The following CADPS variants were observed in gnomAD, a reference collection of about 807,000 sequenced individuals.
CADPS encodes calcium-dependent secretion activator 1.
A neutral mutation model predicts 167.3 loss-of-function variants in CADPS; 57 were observed. The observed-to-expected ratio is 0.34, with a 90% confidence interval of 0.28 to 0.42. The LOEUF (loss-of-function observed/expected upper bound fraction) is 0.42. Among genes scored for constraint, CADPS ranks in the 20% least tolerant of loss-of-function variants. CADPS has a pLI of 1.00. For missense variants in CADPS, 1,414 were observed against 1,738.1 expected (o/e 0.81, Z 3.32); for synonymous variants, 676 against 635.3 (o/e 1.06, Z -0.96).
intron 2 of CADPS, among the ~76,000 whole-genome samples, chr3:62,764,844 A>G (rs544606376): frequency 3.3e-5 from 5 of 152,372 alleles, no homozygotes; most frequent in East Asian, 1.9e-4. Flanking sequence ...AAGGAAATCA[A>G]TGAAACAATC....
In CADPS at chr3:62,469,711, C is replaced by T. The variant is rs768408031; in HGVS notation, c.3478-3298G>A. The T allele has an allele frequency of 2.0e-4, 36 of 176,128 alleles. No individual in the cohort carries two copies. The Middle Eastern group carries it at 7.7e-3, about 37-fold the overall frequency. 10.9% of individuals were successfully genotyped at this position (176,128 alleles called of 1,614,324 possible). On this transcript the variant is annotated intron_variant, in intron 24 of 29. Transcript: ENST00000383710. Reference sequence around the variant, plus strand: ...TTTTAGTAGAAACAGGGTTTCACCACGTTGGCCAAGGTGGTCCCGATCTCT... The same window carrying T: ...TTTTAGTAGAAACAGGGTTTCACCATGTTGGCCAAGGTGGTCCCGATCTCT...
intron 17 of CADPS, among the ~76,000 whole-genome samples, chr3:62,501,064 T>C (rs1257129078): frequency 6.6e-6 from 1 of 152,156 alleles, no homozygotes; most frequent in African/African-American, 2.4e-5. Context: ...AAAGCTCCAT[T>C]ATCTCTGCCA....
chr3:62,709,693 C>G (rs1403288257), intron 3 of CADPS, among the ~76,000 whole-genome samples: 1 of 152,160 alleles, frequency 6.6e-6, no homozygotes, highest in African/African-American at 2.4e-5. Flanking sequence ...GCCATAATTT[C>G]AACACGCTCC....
intron 12 of CADPS, chr3:62,536,196 C>G: frequency 2.7e-6 from 1 of 377,226 alleles, no homozygotes; most frequent in East Asian, 4.1e-5. Flanking sequence ...TCTCATGTAG[C>G]AGCTGAAAAG....
In CADPS at chr3:62,753,858, C is replaced by A; in HGVS notation, c.556-85G>T. The A allele has an allele frequency of 1.5e-6, 2 of 1,300,928 alleles. No homozygotes were observed. The highest frequency in any genetic ancestry group is 2.9e-5 in the South Asian group (2 of 68,780). 80.6% of individuals were successfully genotyped at this position (1,300,928 alleles called of 1,614,324 possible). On this transcript the variant is annotated intron_variant, in intron 2 of 29. Transcript: ENST00000383710. This position sits in a 1 kb window ranked among gnomAD's most constrained non-coding sequence, Gnocchi z 4.6. ...CCTGGGGCTGGACACTGGGCCAGTCCACCTCACGTGCATCCCAGGAGGAAC... is the reference window on the plus strand; with the variant it reads ...CCTGGGGCTGGACACTGGGCCAGTCAACCTCACGTGCATCCCAGGAGGAAC...
At chr3:62,737,349 G>T (rs2079185712) in intron 3 of CADPS, among the ~76,000 whole-genome samples, 1 of 151,792 alleles carries the variant, frequency 6.6e-6, no homozygotes, top group Admixed American at 6.6e-5. Flanking sequence ...CATGCCTGTA[G>T]TCCCAGCTAC....
At chr3:62,737,960 T>G (rs1335958042) in intron 3 of CADPS, among the ~76,000 whole-genome samples, 1 of 152,132 alleles carries the variant, frequency 6.6e-6, no homozygotes, top group Non-Finnish European at 1.5e-5. Flanking sequence ...TAATATACTT[T>G]TTTTTTCTTG....
chr3:62,471,409 A>G (rs1357546557), intron 24 of CADPS, among the ~76,000 whole-genome samples: 1 of 152,142 alleles, frequency 6.6e-6, no homozygotes, highest in Non-Finnish European at 1.5e-5. Context: ...GAGTAATAAT[A>G]TATGAAAGTA....
chr3:62,568,035 A>G (rs1455634847), intron 9 of CADPS, among the ~76,000 whole-genome samples: 1 of 152,174 alleles, frequency 6.6e-6, no homozygotes, highest in Admixed American at 6.5e-5. Context: ...TCCAAGTGCC[A>G]TCCCTTCTTC....
At chr3:62,616,789 G>A (rs1470761927) in intron 6 of CADPS, among the ~76,000 whole-genome samples, 1 of 152,134 alleles carries the variant, frequency 6.6e-6, no homozygotes, top group African/African-American at 2.4e-5. Context: ...CACCAAGGCT[G>A]AGGAAAGTTT....
intron 1 of CADPS, among the ~76,000 whole-genome samples, chr3:62,815,430 T>A (rs1328570333): frequency 6.7e-6 from 1 of 148,162 alleles, no homozygotes. Context: ...TGACCAGGGG[T>A]GGGGGAGAAG....
intron 24 of CADPS, 178 bp downstream of exon 24, chr3:62,473,995 C>G (rs2060935432): frequency 3.9e-6 from 2 of 516,152 alleles, no homozygotes; most frequent in Admixed American, 7.3e-5. Flanking sequence ...TCAGCACATG[C>G]CTTAGAAATC....
At chr3:62,621,781 C>CTT (rs1339175157) in intron 6 of CADPS, among the ~76,000 whole-genome samples, 1 of 152,082 alleles carries the variant, frequency 6.6e-6, no homozygotes, top group Non-Finnish European at 1.5e-5. Context: ...CGTTATTCCC[C>CTT]TCTATACCTC....
chr3:62,423,614 C>T (rs2051958729), intron 28 of CADPS, among the ~76,000 whole-genome samples: 1 of 152,198 alleles, frequency 6.6e-6, no homozygotes, highest in Non-Finnish European at 1.5e-5. Flanking sequence ...ATTTTCCAGG[C>T]TTCTGAATTT....
chr3:62,405,368 C>T lies in CADPS; in HGVS notation c.3778-2183G>A, dbSNP rs143509529. Among the ~76,000 whole-genome samples the T allele has an allele frequency of 9.2e-5, 14 of 151,426 alleles. No homozygotes were observed. The East Asian group carries it at 1.9e-3, about 21-fold the overall frequency. The stretch of plus-strand genomic sequence containing the variant: ...GCTTTGGCTGTGACAACAGGCAAAC[C>T]GGCGCTGGCTTATATCACTGCCAGC... On this transcript the variant is annotated intron_variant, in intron 28 of 29. Transcript: ENST00000383710.
intron 1 of CADPS, among the ~76,000 whole-genome samples, chr3:62,844,847 T>C (rs550909842): frequency 6.6e-6 from 1 of 152,264 alleles, no homozygotes; most frequent in Non-Finnish European, 1.5e-5. Context: ...CTAATTAGGG[T>C]TCTTGGTTCC....
rs771226954 is a variant in CADPS, at chr3:62,491,554, CACAA to C, written c.2885-78_2885-75del. Reference sequence around the variant, plus strand: ...AACGTACAACACACACACACACACACACAAACACACACACACACACACACACACA... The same window carrying C: ...AACGTACAACACACACACACACACACACACACACACACACACACACACACA... On this transcript the variant is annotated intron_variant, in intron 20 of 29. Transcript: ENST00000383710. 1.7e-3 allele frequency: 1,095 copies of C among 663,618 alleles called. 2 individuals are homozygous for C. The highest frequency in any genetic ancestry group is 6.4e-3 in the African/African-American group (290 of 45,468). The allele number at this position is 663,618 out of a possible 1,614,324, so 41.1% of individuals were successfully genotyped here. A position where few individuals can be genotyped will look rare whatever the true frequency, so the allele number is the denominator to read the frequency against.
Position 62,753,232 on chromosome 3 carries a change from G to A in CADPS, c.888+209C>T, listed in dbSNP as rs1234633784. On this transcript the variant is annotated intron_variant, in intron 3 of 29. Coordinates refer to ENST00000383710, the MANE Select transcript of CADPS (RefSeq NM_003716.4). The surrounding 1 kb of genome is among the most constrained non-coding windows in gnomAD (Gnocchi z 4.6). The stretch of plus-strand genomic sequence containing the variant: ...GCCTAGGGCCCCTGAGACTTTTAAG[G>A]GCTCATAAAAATGTTTTATTTATTT... Among the ~76,000 whole-genome samples, 1 of 151,958 alleles carries A rather than the reference G, an allele frequency of 6.6e-6. No homozygotes were observed. The highest frequency in any genetic ancestry group is 1.9e-4 in the East Asian group (1 of 5,200).
At chr3:62,498,405 A>G (rs943714363) in intron 18 of CADPS, among the ~76,000 whole-genome samples, 1 of 152,168 alleles carries the variant, frequency 6.6e-6, no homozygotes, top group African/African-American at 2.4e-5. Flanking sequence ...AATTTTCAAA[A>G]AGATTATTTT....
Sources: allele counts gnomAD v4.1 joint callset (sites outside exome capture counted in the v4.1 genomes callset), GRCh38; gene constraint gnomAD v4.1.1; non-coding constraint Gnocchi (gnomAD v3.1); transcripts MANE v1.5; gene names NCBI Gene and HGNC (gene_info 2026-07-23, HGNC 2026-07-21).